RGL3: variants seen among roughly 807,000 people sequenced by gnomAD.
RGL3 encodes the protein ral guanine nucleotide dissociation stimulator-like 3.
RGL3 carries 85 observed loss-of-function variants against 90.6 expected under a neutral mutation model. The observed-to-expected ratio is 0.94, with a 90% CI of 0.79 to 1.12. The LOEUF is 1.12. Among genes scored for constraint, RGL3 ranks in the 50% most tolerant of loss-of-function variants. RGL3 has a pLI of 0.00. For missense variants in RGL3, 1,034 were observed against 939.2 expected (o/e 1.10, Z -1.32); for synonymous variants, 408 against 385.5 (o/e 1.06, Z -0.68).
intron 1 of RGL3, 74 bp downstream of exon 1, chr19:11,419,172 C>A (rs1969060915): frequency 1.3e-6 from 2 of 1,511,198 alleles, no homozygotes; most frequent in Non-Finnish European, 1.8e-6. Context: ...TACCGTCCGA[C>A]GGGCGGGCGC....
intron 11 of RGL3, 94 bp from the exon 12 acceptor site, chr19:11,402,341 G>A: frequency 6.3e-7 from 1 of 1,580,920 alleles, no homozygotes. Flanking sequence ...ACTGTAGTAA[G>A]GGAGTGTGGG....
intron 18 of RGL3, chr19:11,394,750 A>C (rs1300458989): frequency 2.1e-6 from 1 of 477,954 alleles, no homozygotes; most frequent in Non-Finnish European, 3.8e-6. Context: ...GCAACCTCCT[A>C]ATATTCTCCC....
At chr19:11,417,752 G>A (rs1969029322) in intron 2 of RGL3, among the ~76,000 whole-genome samples, 1 of 152,090 alleles carries the variant, frequency 6.6e-6, no homozygotes, top group South Asian at 2.1e-4. Context: ...TTACAGGCGT[G>A]AGCCACCTCG....
intron 5 of RGL3, among the ~76,000 whole-genome samples, chr19:11,415,716 A>C (rs541966466): frequency 1.1e-4 from 16 of 151,846 alleles, no homozygotes; most frequent in Admixed American, 2.6e-4. Flanking sequence ...CTCAGGTGAT[A>C]CACCATCCTT....
At chr19:11,410,807 C>T (rs1599439892) in intron 5 of RGL3, among the ~76,000 whole-genome samples, 1 of 151,926 alleles carries the variant, frequency 6.6e-6, no homozygotes, top group South Asian at 2.1e-4. Context: ...TGAGGTAAGT[C>T]GAAAAGAATG....
intron 18 of RGL3, among the ~76,000 whole-genome samples, chr19:11,394,936 CA>C (rs1259112847): frequency 2.0e-5 from 3 of 151,240 alleles, no homozygotes; most frequent in East Asian, 3.9e-4. Context: ...CTAAAAATAC[CA>C]AAAAAATGAG....
chr19:11,402,487 T>C lies in RGL3; in HGVS notation c.1297A>G (p.Met433Val). 1.2e-6 allele frequency: 2 copies of C among 1,605,194 alleles called. No homozygotes were observed. Among genetic ancestry groups the C allele is most frequent in the Non-Finnish European group, 1.7e-6 (2 of 1,176,686 alleles). ...YLGTFLTDLV[M>V]LDTALPDMLE... is the part of the protein sequence containing the mutation. ...ATATCCGGCAGGGCTGTGTCCAGCA[T>C]AACCAGGTCCGTAAGGAAGGTGCCA... Residue 433 changes from methionine to valine, a missense_variant, in exon 11 of 19, where the codon ATG becomes GTG. Coordinates refer to ENST00000380456, the MANE Select transcript of RGL3 (RefSeq NM_001035223.4).
intron 9 of RGL3, among the ~76,000 whole-genome samples, chr19:11,404,417 A>G (rs1346968520): frequency 1.3e-5 from 2 of 152,042 alleles, no homozygotes; most frequent in Admixed American, 6.6e-5. Context: ...TCCCAGCTAC[A>G]TGGGAGGCTG....
At position 11,417,048 on chromosome 19, in the gene RGL3, G is replaced by A; in HGVS notation, c.159C>T (p.Pro53=). Residue 53 remains proline (P), a synonymous_variant, in exon 3 of 19, where the codon CCC becomes CCT. Transcript: ENST00000380456. ...EGPGGSQAPS[P]IANTFLHYRT... ...GATAGTGGAGGAAGGTATTGGCAAT[G>A]GGGCTGGGAGCCTGCAGGAGGGGAG... 1.3e-6 allele frequency: 2 copies of A among 1,599,216 alleles called. No individual in the cohort carries two copies. The highest frequency in any genetic ancestry group is 1.7e-6 in the Non-Finnish European group (2 of 1,171,758).
At chr19:11,405,492 ATCTTTTTTTTTTTTTTTTTTTTTT>A in intron 7 of RGL3, 66 bp from the exon 8 acceptor site, 8 of 132,450 alleles carry the variant, frequency 6.0e-5, no homozygotes, top group East Asian at 2.7e-4. Context: ...AAACTTCTTC[ATCTTTTTTTTTTTTTTTTTTTTTT>A]TTTTTTTTTT....
chr19:11,396,136 C>G (rs12165122), intron 18 of RGL3, among the ~76,000 whole-genome samples: 1 of 17,900 alleles, frequency 5.6e-5, no homozygotes, highest in African/African-American at 1.9e-4. Context: ...CTCTCTCTCT[C>G]TATATATATA....
Position 11,405,145 on chromosome 19 carries a change from A to G in RGL3, c.1185+2T>C. On this transcript the variant is annotated splice_donor_variant, in intron 9 of 18. Coordinates refer to ENST00000380456, the MANE Select transcript of RGL3 (RefSeq NM_001035223.4). LOFTEE classifies it high-confidence loss of function. ...ATCCCTGGAGTCTGCATCCATCTCTACCTGGAAAAGAATCTCTCTGCTGCT... is the reference window on the plus strand; with the variant it reads ...ATCCCTGGAGTCTGCATCCATCTCTGCCTGGAAAAGAATCTCTCTGCTGCT... 6.2e-7 allele frequency: 1 copy of G among 1,613,586 alleles called. No homozygotes were observed. Among genetic ancestry groups the G allele is most frequent in the Non-Finnish European group, 8.5e-7 (1 of 1,179,580 alleles).
At chr19:11,394,666 T>C in intron 18 of RGL3, 146 bp from the exon 19 acceptor site, 1 of 643,808 alleles carries the variant, frequency 1.6e-6, no homozygotes, top group Non-Finnish European at 2.8e-6. Flanking sequence ...CTCATTCTGC[T>C]GTCACTGGGA....
Position 11,419,305 on chromosome 19 carries a change from G to T in RGL3, c.-27C>A. 1 of 1,538,580 alleles carries T rather than the reference G, an allele frequency of 6.5e-7. No individual in the cohort carries two copies. On this transcript the variant is annotated 5_prime_UTR_variant, in exon 1 of 19. Coordinates refer to ENST00000380456, the MANE Select transcript of RGL3 (RefSeq NM_001035223.4). ...GCCGGCGCCCGTCCCTCTCAGTGGC[G>T]CCGCTGAGTGAGGCGGAAGGGCCGG...
chr19:11,403,924 C>T (rs1968725008), intron 9 of RGL3, among the ~76,000 whole-genome samples: 1 of 152,158 alleles, frequency 6.6e-6, no homozygotes, highest in Non-Finnish European at 1.5e-5. Context: ...CTTTGTCACT[C>T]AGGCTGGAGT....
intron 2 of RGL3, 161 bp downstream of exon 2, chr19:11,418,510 G>A (rs1056626343): frequency 2.5e-5 from 15 of 594,772 alleles, no homozygotes; most frequent in African/African-American, 3.9e-5. Context: ...CACTTACCTG[G>A]CCGCCCCCAG....
At chr19:11,405,294 G>T in intron 8 of RGL3, 29 bp downstream of exon 8, 2 of 1,611,966 alleles carry the variant, frequency 1.2e-6, no homozygotes, top group Non-Finnish European at 8.5e-7. Context: ...CCTGGGATGG[G>T]CTGGGGAACA....
intron 9 of RGL3, among the ~76,000 whole-genome samples, chr19:11,403,211 A>G (rs941009159): frequency 1.3e-5 from 2 of 150,792 alleles, no homozygotes; most frequent in African/African-American, 2.4e-5. Flanking sequence ...AATTTTTTGT[A>G]TTTTTAGTAG....
intron 16 of RGL3, among the ~76,000 whole-genome samples, chr19:11,399,271 C>G (rs1347804252): frequency 6.6e-6 from 1 of 152,038 alleles, no homozygotes; most frequent in Non-Finnish European, 1.5e-5. Context: ...CATACATGTC[C>G]TCAAAAAAGT....
Sources: gnomAD v4.1 joint callset for allele counts (sites outside exome capture counted in the v4.1 genomes callset) on GRCh38, gnomAD v4.1.1 for gene constraint, MANE v1.5 for transcripts, NCBI Gene and HGNC (gene_info 2026-07-23, HGNC 2026-07-21) for gene names.